RAF1: variants seen among roughly 807,000 people sequenced by gnomAD.
RAF1 encodes RAF proto-oncogene serine/threonine-protein kinase.
In RAF1, 27 loss-of-function variants were observed where a neutral mutation model predicts 81.1. The ratio of observed to expected loss-of-function variants is 0.33; its 90% CI spans 0.25 to 0.46. RAF1 has a LOEUF of 0.46. Ranked by LOEUF, RAF1 falls within the 20% of genes least tolerant of loss-of-function variation. The pLI, the probability that RAF1 is intolerant of heterozygous loss-of-function variation, is 1.00. For missense variants in RAF1, 598 were observed against 826.0 expected, an observed-to-expected ratio of 0.72 and a Z score of 3.38; for synonymous variants, 298 against 294.0, an observed-to-expected ratio of 1.01 and a Z score of -0.14.
chr3:12,622,423 C>T (rs1415984699), intron 1 of RAF1, among the ~76,000 whole-genome samples: 2 of 152,204 alleles, frequency 1.3e-5, no homozygotes, highest in African/African-American at 2.4e-5. Flanking sequence ...GGCCTTCTTT[C>T]GTAACATGCC....
intron 11 of RAF1, among the ~76,000 whole-genome samples, chr3:12,596,591 G>A (rs1485804307): frequency 6.6e-6 from 1 of 152,180 alleles, no homozygotes; most frequent in Non-Finnish European, 1.5e-5. Flanking sequence ...ATGCACCTGA[G>A]GCTTCTGAGT....
chr3:12,624,712 G>A (rs1289829747), intron 1 of RAF1, among the ~76,000 whole-genome samples: 2 of 152,014 alleles, frequency 1.3e-5, no homozygotes, highest in African/African-American at 4.8e-5. Context: ...TAAAAAGAGA[G>A]ACATGTTGGC....
chr3:12,610,268 T>C (rs2059167832), intron 3 of RAF1, among the ~76,000 whole-genome samples: 1 of 152,190 alleles, frequency 6.6e-6, no homozygotes, highest in Admixed American at 6.5e-5. Flanking sequence ...AGAAGCCTAG[T>C]CAAGCCATTT....
intron 13 of RAF1, chr3:12,588,396 A>G (rs2058398134): frequency 6.6e-6 from 1 of 152,222 alleles, no homozygotes; most frequent in Non-Finnish European, 1.5e-5. Flanking sequence ...CATCATGCAC[A>G]CATCATAAAG....
At chr3:12,605,467 G>T (rs766145650) in intron 6 of RAF1, among the ~76,000 whole-genome samples, 4 of 152,042 alleles carry the variant, frequency 2.6e-5, no homozygotes, top group Non-Finnish European at 5.9e-5. Context: ...TAGTAGAGAT[G>T]GGGTTTCACC....
At chr3:12,661,595 C>T (rs1434563880) in intron 1 of RAF1, among the ~76,000 whole-genome samples, 1 of 151,998 alleles carries the variant, frequency 6.6e-6, no homozygotes, top group East Asian at 1.9e-4. Context: ...CCCAGCTACT[C>T]AGGAGGGTGA....
intron 8 of RAF1, among the ~76,000 whole-genome samples, chr3:12,601,753 C>T (rs75337745): frequency 0.019 from 2,851 of 152,146 alleles, 88 homozygotes; most frequent in African/African-American, 0.065. Flanking sequence ...AACAAGAAAG[C>T]CTAGTTCTGG....
intron 1 of RAF1, among the ~76,000 whole-genome samples, chr3:12,619,567 C>T: frequency 1.2e-5 from 1 of 81,124 alleles, no homozygotes; most frequent in South Asian, 3.9e-4. Context: ...CTCCATCTCC[C>T]AAAAAAAAAA....
chr3:12,600,501 GA>G, intron 8 of RAF1, 86 bp from the exon 8 acceptor site: 1 of 1,401,134 alleles, frequency 7.1e-7, no homozygotes. Context: ...GGATGTGCAA[GA>G]ACAAAATAGA....
chr3:12,586,250 GT>G (rs754037021), intron 14 of RAF1, among the ~76,000 whole-genome samples: 2 of 152,190 alleles, frequency 1.3e-5, no homozygotes, highest in African/African-American at 4.8e-5. Context: ...AACTTGAGTG[GT>G]TAACAAAATA....
At chr3:12,604,018 A>G in intron 7 of RAF1, 118 bp downstream of exon 7, 1 of 1,150,214 alleles carries the variant, frequency 8.7e-7, no homozygotes, top group East Asian at 2.3e-5. Context: ...AAAAGTCCAG[A>G]GACCTGAGAA....
chr3:12,585,568 G>A (rs987361319), intron 15 of RAF1, 113 bp downstream of exon 14: 104 of 1,341,886 alleles, frequency 7.8e-5, no homozygotes, highest in Non-Finnish European at 9.7e-5. Flanking sequence ...TGTCACTAGG[G>A]GTCATGTGGA....
intron 11 of RAF1, 48 bp downstream of exon 10, chr3:12,599,643 C>T (rs1473698255): frequency 2.0e-6 from 3 of 1,494,534 alleles, no homozygotes; most frequent in Admixed American, 3.3e-5. Context: ...TGAAACTTGA[C>T]TTCACACCAA....
At chr3:12,628,951 A>G (rs2059789369) in intron 1 of RAF1, among the ~76,000 whole-genome samples, 1 of 152,050 alleles carries the variant, frequency 6.6e-6, no homozygotes, top group African/African-American at 2.4e-5. Flanking sequence ...GGGTTTTACC[A>G]TGTTGGCCAG....
rs1208010988 is a variant in RAF1, at chr3:12,583,944, C to CT, written c.*569dup. 1 of 243,054 alleles carries CT rather than the reference C, an allele frequency of 4.1e-6. No homozygotes were observed. The highest frequency in any genetic ancestry group is 8.1e-6 in the Non-Finnish European group (1 of 122,940). The allele number at this position is 243,054 out of a possible 1,614,324, so 15.1% of individuals were successfully genotyped here. ...CCCAATGCACTGGACACCTTAGAAG[C>CT]TGTGAAAGGAGGACGTGTCCCCTAA... On this transcript the variant is annotated 3_prime_UTR_variant, in exon 18 of 18. Transcript: ENST00000442415.
At chr3:12,591,139 G>A (rs2058503419) in intron 12 of RAF1, among the ~76,000 whole-genome samples, 165 bp from the exon 12 acceptor site, 1 of 152,064 alleles carries the variant, frequency 6.6e-6, no homozygotes, top group Non-Finnish European at 1.5e-5. Context: ...AACCCGGGTG[G>A]CATTCTGAGC....
chr3:12,588,444 C>T (rs1326242533), intron 13 of RAF1: 2 of 152,314 alleles, frequency 1.3e-5, no homozygotes, highest in East Asian at 1.9e-4. Flanking sequence ...GCCTTCTACA[C>T]ACCCTGGCTA....
intron 11 of RAF1, among the ~76,000 whole-genome samples, chr3:12,594,832 G>C (rs779770228): frequency 3.3e-5 from 5 of 152,160 alleles, no homozygotes; most frequent in Non-Finnish European, 5.9e-5. Context: ...ACCAAAGACA[G>C]TGCCCATGGT....
At chr3:12,603,374 T>C (rs1575571401) in intron 8 of RAF1, 1 of 548,336 alleles carries the variant, frequency 1.8e-6, no homozygotes, top group Non-Finnish European at 3.3e-6. Context: ...ACAAGAAATA[T>C]AAATTTAACT....
Sources: gnomAD v4.1 joint callset for allele counts (sites outside exome capture counted in the v4.1 genomes callset) on GRCh38, gnomAD v4.1.1 for gene constraint, MANE v1.5 for transcripts, NCBI Gene and HGNC (gene_info 2026-07-23, HGNC 2026-07-21) for gene names.